Variants in SLC30A7 observed in about 807,000 individuals in gnomAD.
SLC30A7 encodes the protein solute carrier family 30 member 7, also known as zinc transporter 7.
A neutral mutation model predicts 46.0 loss-of-function variants in SLC30A7; 35 were observed. The ratio of observed to expected loss-of-function variants is 0.76; its 90% CI spans 0.58 to 1.01. The LOEUF (loss-of-function observed/expected upper bound fraction) is 1.01. SLC30A7 is among the 50% of genes least tolerant of loss of function. The pLI, the probability that SLC30A7 is intolerant of heterozygous loss-of-function variation, is 0.00. For missense variants in SLC30A7, 464 were observed against 451.1 expected (o/e 1.03, Z -0.26); for synonymous variants, 147 against 157.8 (o/e 0.93, Z 0.51).
Position 100,978,243 on chromosome 1 carries a change from A to G in SLC30A7, c.*3386A>G, listed in dbSNP as rs1465752999. 6.6e-6 allele frequency: 1 copy of G among 152,262 alleles called. No homozygotes were observed. The highest frequency in any genetic ancestry group is 2.4e-5 in the African/African-American group (1 of 41,554). The allele number at this position is 152,262 out of a possible 1,614,324, so 9.4% of individuals were successfully genotyped here. A position where few individuals can be genotyped will look rare whatever the true frequency, so the allele number is the denominator to read the frequency against. Reference sequence around the variant, plus strand: ...AATTTGTCAGCATTCCTGAAAACCTACACGTGTATATCAGTAACCAAAATG... The same window carrying G: ...AATTTGTCAGCATTCCTGAAAACCTGCACGTGTATATCAGTAACCAAAATG... On this transcript the variant is annotated 3_prime_UTR_variant, in exon 11 of 11. Transcript: ENST00000357650.
chr1:100,914,896 C>T (rs1652378013), intron 6 of SLC30A7, among the ~76,000 whole-genome samples: 2 of 151,870 alleles, frequency 1.3e-5, no homozygotes, highest in African/African-American at 2.4e-5. Context: ...CACGCTACTG[C>T]ACTCCAGCCT....
Position 100,976,795 on chromosome 1 carries a change from T to C in SLC30A7, c.*1938T>C, listed in dbSNP as rs190454832. On this transcript the variant is annotated 3_prime_UTR_variant, in exon 11 of 11. Coordinates refer to ENST00000357650, the MANE Select transcript of SLC30A7 (RefSeq NM_133496.5). ...AACTAGACCACTTTCTTCATTCTTT[T>C]CTAAACTGCTGCAGATTGCCGTGAA... 6.5e-6 allele frequency: 1 copy of C among 152,756 alleles called. No homozygotes were observed. The highest frequency in any genetic ancestry group is 6.5e-5 in the Admixed American group (1 of 15,302). The allele number at this position is 152,756 out of a possible 1,614,324, so 9.5% of individuals were successfully genotyped here.
At chr1:100,918,252 C>T in intron 7 of SLC30A7, 125 bp downstream of exon 7, 1 of 698,478 alleles carries the variant, frequency 1.4e-6, no homozygotes, top group Non-Finnish European at 2.4e-6. Context: ...TAGTGTTAGC[C>T]TTTCTAGTGA....
At position 100,917,949 on chromosome 1, in the gene SLC30A7, T is replaced by C. The variant is rs544719107; in HGVS notation, c.656-128T>C. On this transcript the variant is annotated intron_variant, in intron 6 of 10. Transcript: ENST00000357650. ...TATTTTATTAAATTTAAAAAATAAA[T>C]TTGTAAGTTTGATATGGCTATATAG... 9.0e-5 allele frequency: 48 copies of C among 531,474 alleles called. No homozygotes were observed. The South Asian group carries it at 2.3e-3, about 25-fold the overall frequency. 32.9% of individuals were successfully genotyped at this position (531,474 alleles called of 1,614,324 possible).
Position 100,917,364 on chromosome 1 carries a change from C to G in SLC30A7, c.656-713C>G, listed in dbSNP as rs544965049. Among the ~76,000 whole-genome samples the G allele has an allele frequency of 8.7e-4, 132 of 152,248 alleles. 1 individual carries two copies. The highest frequency in any genetic ancestry group is 1.7e-3 in the Non-Finnish European group (117 of 67,996). On this transcript the variant is annotated intron_variant, in intron 6 of 10. Transcript: ENST00000357650. ...GTTATAATGCTCTATCAAAGCTGTA[C>G]TGATAAGGGTACCTTGACCTTTTTG... is the stretch of plus-strand genomic sequence containing the variant.
chr1:100,924,082 CCTTT>C (rs1353040426), intron 8 of SLC30A7, among the ~76,000 whole-genome samples: 1 of 152,130 alleles, frequency 6.6e-6, no homozygotes, highest in Non-Finnish European at 1.5e-5. Context: ...TCCAGGTTGA[CCTTT>C]CTGTCTCCCT....
chr1:100,901,644 A>T (rs956848268), intron 2 of SLC30A7, among the ~76,000 whole-genome samples: 1 of 152,040 alleles, frequency 6.6e-6, no homozygotes, highest in Non-Finnish European at 1.5e-5. Flanking sequence ...GAGTTTCTCT[A>T]TGTTGACCAG....
chr1:100,915,566 A>G (rs1482884710), intron 6 of SLC30A7, among the ~76,000 whole-genome samples: 1 of 152,188 alleles, frequency 6.6e-6, no homozygotes, highest in Non-Finnish European at 1.5e-5. Context: ...TTCACTTAGC[A>G]TAATGTCCTT....
chr1:100,937,672 TG>T (rs1382153262), intron 8 of SLC30A7, among the ~76,000 whole-genome samples: 1 of 152,196 alleles, frequency 6.6e-6, no homozygotes, highest in African/African-American at 2.4e-5. Context: ...TTGTTGTTGT[TG>T]AATTGTGGGT....
At chr1:100,994,215 ATTTAACTTTCATAAAATTTATGGT>A in the SLC30A7 span, among the ~76,000 whole-genome samples, 165 of 152,326 alleles carry the variant, frequency 1.1e-3, 1 homozygote, top group African/African-American at 3.8e-3. Flanking sequence ...GTTGATCTGT[ATTTAACTTTCATAAAATTTATGGT>A]TTTAACAGTT....
intron 8 of SLC30A7, among the ~76,000 whole-genome samples, chr1:100,957,207 A>C (rs1209430314): frequency 6.6e-6 from 1 of 152,308 alleles, no homozygotes; most frequent in East Asian, 1.9e-4. Context: ...CCACAACTCG[A>C]GAGTAAGGTC....
At position 100,974,834 on chromosome 1, in the gene SLC30A7, C is replaced by T; in HGVS notation, c.1108C>T (p.Gln370Ter). The T allele has an allele frequency of 1.3e-5, 21 of 1,597,770 alleles. No homozygotes were observed. Among genetic ancestry groups the T allele is most frequent in the Non-Finnish European group, 1.8e-5 (21 of 1,169,088 alleles). Residue 370 changes from glutamine (Q) to a stop codon, truncating the protein, a stop_gained, in exon 11 of 11, where the codon CAG (glutamine) becomes TAG (stop). Transcript: ENST00000357650. LOFTEE classifies it high-confidence loss of function. ...GGCTGGAGTGAGACAGCTCTACGTA[C>T]AGATTGACTTTGCAGCCATGTAGTG... is the stretch of plus-strand genomic sequence containing the variant. ...TQAGVRQLYVQIDFAAM is the reference protein window; with the variant it reads ...TQAGVRQLYV
intron 6 of SLC30A7, among the ~76,000 whole-genome samples, chr1:100,915,058 C>T (rs1570521812): frequency 6.6e-6 from 1 of 152,076 alleles, no homozygotes; most frequent in African/African-American, 2.4e-5. Context: ...ACTATGATTT[C>T]TCCAATAAAC....
intron 2 of SLC30A7, among the ~76,000 whole-genome samples, chr1:100,906,273 C>G (rs1427643914): frequency 6.6e-6 from 1 of 152,074 alleles, no homozygotes; most frequent in East Asian, 1.9e-4. Flanking sequence ...TTTGCTGTTC[C>G]TTATACTTTA....
chr1:100,904,522 C>T (rs1205824789), intron 2 of SLC30A7, among the ~76,000 whole-genome samples: 1 of 151,842 alleles, frequency 6.6e-6, no homozygotes, highest in Non-Finnish European at 1.5e-5. Context: ...CTGCTTTCTC[C>T]ACAGTGACTT....
rs114678585 is a variant in SLC30A7 at position 100,946,730 on chromosome 1, A to G, written c.843-15098A>G. 2.9e-3 allele frequency among the ~76,000 whole-genome samples: 435 copies of G among 152,250 alleles called. 1 individual carries two copies. The highest frequency in any genetic ancestry group is 9.9e-3 in the African/African-American group (410 of 41,528). On this transcript the variant is annotated intron_variant, in intron 8 of 10. Coordinates refer to ENST00000357650, the MANE Select transcript of SLC30A7 (RefSeq NM_133496.5). ...TTTTGCATCGATGTTCATTAAAGATATTGTTCCAAAATTTTCTTTTTTTTG... is the reference window on the plus strand; with the variant it reads ...TTTTGCATCGATGTTCATTAAAGATGTTGTTCCAAAATTTTCTTTTTTTTG...
chr1:100,995,003 G>T, the SLC30A7 span: 1 of 747,232 alleles, frequency 1.3e-6, no homozygotes, highest in East Asian at 2.6e-5. Context: ...CACTGTTAAT[G>T]AGAGCTCATT....
intron 8 of SLC30A7, among the ~76,000 whole-genome samples, chr1:100,924,308 G>C (rs1348865077): frequency 6.6e-6 from 1 of 152,018 alleles, no homozygotes; most frequent in Non-Finnish European, 1.5e-5. Context: ...GTTAGTTTTA[G>C]TTCCCTGAGT....
At chr1:100,992,065 TC>T in the SLC30A7 span, among the ~76,000 whole-genome samples, 1 of 149,944 alleles carries the variant, frequency 6.7e-6, no homozygotes, top group African/African-American at 2.5e-5. Flanking sequence ...GCCTCTGCAC[TC>T]CAGCCTGCGT....
Sources: gnomAD v4.1 joint callset for allele counts (sites outside exome capture counted in the v4.1 genomes callset) on GRCh38, gnomAD v4.1.1 for gene constraint, MANE v1.5 for transcripts, NCBI Gene and HGNC (gene_info 2026-07-23, HGNC 2026-07-21) for gene names.